FOXN3: variants seen among roughly 807,000 people sequenced by gnomAD.
FOXN3 encodes forkhead box protein N3.
FOXN3 carries 7 observed loss-of-function variants against 38.4 expected under a neutral mutation model. The observed-to-expected ratio is 0.18, with a 90% confidence interval of 0.10 to 0.34. FOXN3 has a LOEUF of 0.34. FOXN3 is among the 10% of genes least tolerant of loss of function. The pLI is 1.00. For synonymous variants in FOXN3, 230 were observed against 242.2 expected (o/e 0.95, Z 0.47); for missense variants, 456 against 613.4 (o/e 0.74, Z 2.71).
At chr14:89,611,952 T>G (rs983085725) in intron 1 of FOXN3, among the ~76,000 whole-genome samples, 1 of 152,168 alleles carries the variant, frequency 6.6e-6, no homozygotes, top group South Asian at 2.1e-4. Flanking sequence ...CAACCCATCC[T>G]GCTTTTTCTT....
chr14:89,497,611 G>A (rs912450319), intron 1 of FOXN3, among the ~76,000 whole-genome samples: 1 of 150,432 alleles, frequency 6.6e-6, no homozygotes. Flanking sequence ...TCTCCATGTT[G>A]AGGCTGGTCT....
chr14:89,350,525 T>TC, intron 3 of FOXN3, 147 bp downstream of exon 3: 1 of 642,110 alleles, frequency 1.6e-6, no homozygotes, highest in Admixed American at 3.7e-5. Flanking sequence ...ACAGTGGATA[T>TC]GCCTCCTAAT....
At chr14:89,526,674 A>G (rs1894438676) in intron 1 of FOXN3, among the ~76,000 whole-genome samples, 1 of 152,206 alleles carries the variant, frequency 6.6e-6, no homozygotes, top group Admixed American at 6.5e-5. Context: ...AATTTCCCTC[A>G]AATTGATCTA....
At chr14:89,403,915 A>G (rs1213735616) in intron 2 of FOXN3, among the ~76,000 whole-genome samples, 1 of 152,218 alleles carries the variant, frequency 6.6e-6, no homozygotes, top group Non-Finnish European at 1.5e-5. Context: ...GACAGAAAAC[A>G]GAGAATACAA....
At chr14:89,346,298 C>T (rs1220068601) in intron 3 of FOXN3, among the ~76,000 whole-genome samples, 2 of 152,166 alleles carry the variant, frequency 1.3e-5, no homozygotes, top group Non-Finnish European at 2.9e-5. Flanking sequence ...TCATATTTTG[C>T]ACATTTTCCC....
intron 2 of FOXN3, among the ~76,000 whole-genome samples, chr14:89,403,479 C>T (rs374695514): frequency 3.3e-5 from 5 of 152,232 alleles, no homozygotes; most frequent in African/African-American, 1.2e-4. Context: ...GGATTACAGG[C>T]GTGAGCCACC....
intron 1 of FOXN3, among the ~76,000 whole-genome samples, chr14:89,501,370 C>A (rs1383572347): frequency 6.6e-6 from 1 of 152,144 alleles, no homozygotes; most frequent in Non-Finnish European, 1.5e-5. Flanking sequence ...CGATGGCGGG[C>A]AGTCAGGTCG....
chr14:89,462,199 A>C (rs1892862342), intron 1 of FOXN3, among the ~76,000 whole-genome samples: 2 of 152,212 alleles, frequency 1.3e-5, no homozygotes, highest in African/African-American at 4.8e-5. Context: ...CCCAATCATG[A>C]GGATAAAAGT....
chr14:89,378,681 A>G (rs542206243), intron 2 of FOXN3, among the ~76,000 whole-genome samples: 1 of 150,988 alleles, frequency 6.6e-6, no homozygotes, highest in Non-Finnish European at 1.5e-5. Flanking sequence ...AGGGAAAATG[A>G]GGTCACATTG....
chr14:89,337,492 C>T (rs1888496714), intron 3 of FOXN3, among the ~76,000 whole-genome samples: 2 of 152,122 alleles, frequency 1.3e-5, no homozygotes, highest in Admixed American at 6.5e-5. Flanking sequence ...AGAGCTCCGG[C>T]GCCTTACCTT....
At chr14:89,223,691 G>C (rs1048849754) in intron 4 of FOXN3, among the ~76,000 whole-genome samples, 1 of 152,214 alleles carries the variant, frequency 6.6e-6, no homozygotes, top group Non-Finnish European at 1.5e-5. Flanking sequence ...GTGCGGCGCT[G>C]GTTGCTGGGG....
At chr14:89,545,968 G>C (rs952724736) in intron 1 of FOXN3, among the ~76,000 whole-genome samples, 2 of 152,180 alleles carry the variant, frequency 1.3e-5, no homozygotes, top group African/African-American at 4.8e-5. Context: ...TGTGCCCCAC[G>C]TGCAGTCCTA....
intron 2 of FOXN3, among the ~76,000 whole-genome samples, chr14:89,410,130 G>A (rs764388807): frequency 3.1e-5 from 4 of 127,248 alleles, no homozygotes; most frequent in South Asian, 2.8e-4. Flanking sequence ...AACAGAAACC[G>A]AGTGAAGAGC....
chr14:89,471,443 T>C (rs1025653994), intron 1 of FOXN3, among the ~76,000 whole-genome samples: 2 of 151,958 alleles, frequency 1.3e-5, no homozygotes, highest in African/African-American at 4.8e-5. Context: ...ATGTCTACAG[T>C]TTTTTTATAT....
chr14:89,379,299 G>T (rs1332084641), intron 2 of FOXN3, among the ~76,000 whole-genome samples: 1 of 152,186 alleles, frequency 6.6e-6, no homozygotes, highest in African/African-American at 2.4e-5. Context: ...GCCCTCCCCA[G>T]TCGACAGTGG....
At chr14:89,246,832 C>A (rs1282534241) in intron 4 of FOXN3, among the ~76,000 whole-genome samples, 1 of 152,042 alleles carries the variant, frequency 6.6e-6, no homozygotes, top group Middle Eastern at 3.2e-3. Flanking sequence ...AGCCACTGTG[C>A]CCAGCCGGAT....
intron 1 of FOXN3, among the ~76,000 whole-genome samples, chr14:89,540,653 C>T (rs921525799): frequency 7.3e-5 from 11 of 150,972 alleles, no homozygotes; most frequent in African/African-American, 2.2e-4. Context: ...GCAGGAGACT[C>T]GCTTGAACTG....
intron 1 of FOXN3, among the ~76,000 whole-genome samples, chr14:89,528,086 A>T (rs1457377483): frequency 6.6e-6 from 1 of 152,132 alleles, no homozygotes; most frequent in African/African-American, 2.4e-5. Context: ...TAGCACAAAT[A>T]CTTTGAGAAA....
chr14:89,243,427 C>T (rs894406013), intron 4 of FOXN3, among the ~76,000 whole-genome samples: 3 of 152,134 alleles, frequency 2.0e-5, no homozygotes, highest in Admixed American at 6.5e-5. Flanking sequence ...GCACAAACAC[C>T]CGCATTGTAT....
Sources: allele counts gnomAD v4.1 joint callset (sites outside exome capture counted in the v4.1 genomes callset), GRCh38; gene constraint gnomAD v4.1.1; transcripts MANE v1.5; gene names NCBI Gene and HGNC (gene_info 2026-07-23, HGNC 2026-07-21).